PLPPR4: variants seen among roughly 807,000 people sequenced by gnomAD.
PLPPR4 encodes phospholipid phosphatase related 4.
A neutral mutation model predicts 56.6 loss-of-function variants in PLPPR4; 24 were observed. The ratio of observed to expected loss-of-function variants is 0.42; its 90% confidence interval spans 0.31 to 0.60. The LOEUF (loss-of-function observed/expected upper bound fraction) is 0.60, where lower values mean the gene tolerates loss of function less well. Ranked by LOEUF, PLPPR4 falls within the 20% of genes least tolerant of loss-of-function variation. PLPPR4 has a pLI of 0.13. For missense variants in PLPPR4, 654 were observed against 885.8 expected, an observed-to-expected ratio of 0.74 and a Z score of 3.32; for synonymous variants, 326 against 328.1, an observed-to-expected ratio of 0.99 and a Z score of 0.07.
upstream of PLPPR4, chr1:99,263,989 A>G (rs74112458): frequency 8.9e-4 from 139 of 156,904 alleles, 1 homozygote; most frequent in African/African-American, 3.2e-3. Flanking sequence ...GCTGTCAGTT[A>G]ATGCCTACCT....
chr1:99,298,569 T>C (rs919137820), intron 3 of PLPPR4, among the ~76,000 whole-genome samples: 1 of 152,152 alleles, frequency 6.6e-6, no homozygotes, highest in Admixed American at 6.6e-5. Context: ...ATTCCTAGTA[T>C]GATCACAGCT....
In PLPPR4 at chr1:99,306,669, G is replaced by T. The variant is rs1157655927; in HGVS notation, c.1807G>T (p.Ala603Ser). ...GEGSGSWKWK[A>S]PEKGSLRQTY... ...AGGCAGTGGCTCCTGGAAGTGGAAA[G>T]CCCCTGAAAAGGGCAGCCTTCGCCA... Residue 603 changes from alanine to serine, a missense_variant, in exon 7 of 7, where the codon GCC becomes TCC. Coordinates refer to ENST00000370185, the MANE Select transcript of PLPPR4 (RefSeq NM_014839.5). This position sits in a 1 kb window ranked among gnomAD's most constrained non-coding sequence, Gnocchi z 4.0. 1.2e-6 allele frequency: 2 copies of T among 1,613,978 alleles called. No individual in the cohort carries two copies. The highest frequency in any genetic ancestry group is 3.3e-5 in the Admixed American group (2 of 59,996).
Position 99,307,042 on chromosome 1 carries a change from CA to C in PLPPR4, c.*36del. On this transcript the variant is annotated 3_prime_UTR_variant, in exon 7 of 7. Transcript: ENST00000370185. Reference sequence around the variant, plus strand: ...TCCATTCCATCATTAGGGCTACTCGCAAAAGACCATATGTTGATTCTACCTG... The same window carrying C: ...TCCATTCCATCATTAGGGCTACTCGCAAAGACCATATGTTGATTCTACCTG... 1 of 1,548,998 alleles carries C rather than the reference CA, an allele frequency of 6.5e-7. No homozygotes were observed. Among genetic ancestry groups the C allele is most frequent in the Non-Finnish European group, 8.7e-7 (1 of 1,154,740 alleles).
chr1:99,303,532 G>A (rs1458682601), intron 6 of PLPPR4, among the ~76,000 whole-genome samples: 2 of 152,136 alleles, frequency 1.3e-5, no homozygotes, highest in African/African-American at 4.8e-5. Flanking sequence ...CAATAAACAA[G>A]TGACATGCGG....
chr1:99,285,188 T>C (rs1286650307), intron 1 of PLPPR4, among the ~76,000 whole-genome samples: 2 of 152,212 alleles, frequency 1.3e-5, no homozygotes, highest in Non-Finnish European at 2.9e-5. Context: ...TCACTTACGA[T>C]ATGTAACTGC....
intron 1 of PLPPR4, among the ~76,000 whole-genome samples, chr1:99,280,405 T>C (rs759716533): frequency 6.6e-6 from 1 of 152,246 alleles, no homozygotes; most frequent in Non-Finnish European, 1.5e-5. Flanking sequence ...ACATGCTGTG[T>C]ACTTTTCAGA....
rs148088965 is a variant in PLPPR4, at chr1:99,292,857, C to A, written c.265-3881C>A. Among the ~76,000 whole-genome samples the A allele has an allele frequency of 1.8e-3, 270 of 151,952 alleles. 1 individual carries two copies. Among genetic ancestry groups the A allele is most frequent in the African/African-American group, 6.2e-3 (258 of 41,548 alleles). On this transcript the variant is annotated intron_variant, in intron 2 of 6. Transcript: ENST00000370185. ...GCAGTGATCCTCCAGTGTCTGCAGT[C>A]ATCTTGTTCTAGAACCATAATTCTA... is the stretch of plus-strand genomic sequence containing the variant.
chr1:99,265,200 C>T (rs1209064012), intron 1 of PLPPR4, among the ~76,000 whole-genome samples: 2 of 128,524 alleles, frequency 1.6e-5, no homozygotes, highest in African/African-American at 5.5e-5. Context: ...ACATACGCTT[C>T]TGAAATTGGA....
rs984494329 is a variant in PLPPR4 at position 99,296,794 on chromosome 1, C to T, written c.321C>T (p.Val107=). The change falls in exon 3 of 7, where the codon GTC becomes GTT. Residue 107 remains valine (V), a synonymous_variant. Transcript: ENST00000370185. The stretch of plus-strand genomic sequence containing the variant: ...GCCTCTCCAAAAGAAGAAATGGGGT[C>T]GGACTAGAGCCCAACATTAATGCTG... The part of the protein sequence containing the change: ...YCCLSKRRNG[V]GLEPNINAGG... The T allele has an allele frequency of 1.8e-5, 29 of 1,605,020 alleles. No homozygotes were observed. The Admixed American group carries it at 1.8e-4, about 10-fold the overall frequency.
At chr1:99,302,689 A>G (rs957094865) in intron 6 of PLPPR4, among the ~76,000 whole-genome samples, 6 of 116,900 alleles carry the variant, frequency 5.1e-5, no homozygotes, top group African/African-American at 2.0e-4. Context: ...AACAGTCTCC[A>G]GAGTGTGATG....
intron 1 of PLPPR4, among the ~76,000 whole-genome samples, chr1:99,265,509 T>C (rs1348009788): frequency 2.0e-5 from 3 of 152,196 alleles, no homozygotes. Context: ...CTGTGCTCCA[T>C]TGCATTAGGA....
chr1:99,288,246 A>G lies in PLPPR4; in HGVS notation c.264+96A>G, dbSNP rs1659522366. Reference sequence around the variant, plus strand: ...TGGGTTCAAAGCAAACAAAACGTGAACTCTAAATCCTAAATCAAAGTCATG... The same window carrying G: ...TGGGTTCAAAGCAAACAAAACGTGAGCTCTAAATCCTAAATCAAAGTCATG... On this transcript the variant is annotated intron_variant, in intron 2 of 6. Transcript: ENST00000370185. 1.0e-5 allele frequency: 11 copies of G among 1,048,146 alleles called. No homozygotes were observed. In the South Asian group the frequency reaches 1.6e-4, roughly 16 times the overall value. 64.9% of individuals were successfully genotyped at this position (1,048,146 alleles called of 1,614,324 possible).
At chr1:99,282,772 A>G (rs1659363797) in intron 1 of PLPPR4, among the ~76,000 whole-genome samples, 1 of 151,610 alleles carries the variant, frequency 6.6e-6, no homozygotes, top group Non-Finnish European at 1.5e-5. Context: ...TATGGTCTTT[A>G]CCTGGTTTTC....
chr1:99,264,205 C>A (rs1658830153), upstream of PLPPR4: 1 of 532,408 alleles, frequency 1.9e-6, no homozygotes, highest in Admixed American at 3.7e-5. Context: ...GGAGTGCGTC[C>A]TCCTTTTCGG....
At chr1:99,302,510 TTA>T (rs879527235) in intron 6 of PLPPR4, among the ~76,000 whole-genome samples, 3 of 28,796 alleles carry the variant, frequency 1.0e-4, no homozygotes, top group African/African-American at 8.3e-4. Context: ...ATTCTTTTTT[TTA>T]TTATTATTAT....
intron 6 of PLPPR4, among the ~76,000 whole-genome samples, chr1:99,304,670 T>C (rs1439284691): frequency 1.3e-5 from 2 of 152,224 alleles, no homozygotes; most frequent in Non-Finnish European, 2.9e-5. Flanking sequence ...GCCCTGAAAT[T>C]GGAAAATTTT....
intron 1 of PLPPR4, among the ~76,000 whole-genome samples, chr1:99,279,792 G>A (rs1570910812): frequency 6.6e-6 from 1 of 152,184 alleles, no homozygotes; most frequent in South Asian, 2.1e-4. Flanking sequence ...ACTTATCTGG[G>A]GCATGGTCCT....
At chr1:99,284,098 G>A (rs1488275781) in intron 1 of PLPPR4, among the ~76,000 whole-genome samples, 3 of 152,106 alleles carry the variant, frequency 2.0e-5, no homozygotes, top group African/African-American at 7.2e-5. Context: ...CATTTTAAAT[G>A]CAATCGAAAC....
At chr1:99,267,938 CAA>C (rs777208354) in intron 1 of PLPPR4, among the ~76,000 whole-genome samples, 11 of 152,168 alleles carry the variant, frequency 7.2e-5, no homozygotes, top group Non-Finnish European at 1.3e-4. Context: ...GTTCAATCTT[CAA>C]AGTTTCTCTT....
Sources: allele counts gnomAD v4.1 joint callset (sites outside exome capture counted in the v4.1 genomes callset), GRCh38; gene constraint gnomAD v4.1.1; non-coding constraint Gnocchi (gnomAD v3.1); transcripts MANE v1.5; gene names NCBI Gene and HGNC (gene_info 2026-07-23, HGNC 2026-07-21).